Variants in BCAR3 observed in about 807,000 individuals in gnomAD.
The protein encoded by BCAR3 is breast cancer anti-estrogen resistance protein 3.
A neutral mutation model predicts 80.1 loss-of-function variants in BCAR3; 37 were observed. The observed-to-expected ratio is 0.46, with a 90% CI of 0.36 to 0.61. The LOEUF is 0.61. Among genes scored for constraint, BCAR3 ranks in the 20% least tolerant of loss-of-function variants. BCAR3 has a pLI of 0.00. For synonymous variants in BCAR3, 389 were observed against 418.9 expected, an observed-to-expected ratio of 0.93 and a Z score of 0.87; for missense variants, 978 against 1,068.2, an observed-to-expected ratio of 0.92 and a Z score of 1.18.
chr1:93,609,117 G>A lies in BCAR3; in HGVS notation c.358-16724C>T, dbSNP rs545287053. Among the ~76,000 whole-genome samples, 11 of 152,280 alleles carry A rather than the reference G, an allele frequency of 7.2e-5. No homozygotes were observed. In the East Asian group the frequency reaches 1.9e-3, roughly 27 times the overall value. ...CATGAAACCAAGTTCCAGGGGCCTG[G>A]CACTCTAGGATGGGCAGATGTGACT... On this transcript the variant is annotated intron_variant, in intron 3 of 11. Coordinates refer to ENST00000260502, the MANE Select transcript of BCAR3 (RefSeq NM_003567.4).
At chr1:93,624,457 C>T (rs1570981266) in intron 3 of BCAR3, among the ~76,000 whole-genome samples, 1 of 152,356 alleles carries the variant, frequency 6.6e-6, no homozygotes, top group African/African-American at 2.4e-5. Flanking sequence ...TTGGGAGCCC[C>T]TGCTCTCAGT....
At chr1:93,650,033 C>G (rs554586162) in intron 2 of BCAR3, among the ~76,000 whole-genome samples, 3 of 149,956 alleles carry the variant, frequency 2.0e-5, no homozygotes, top group Admixed American at 1.3e-4. Flanking sequence ...GCACAGTGAT[C>G]AAATTCATTA....
At chr1:93,709,151 C>T (rs1042205801) in intron 2 of BCAR3, among the ~76,000 whole-genome samples, 4 of 152,192 alleles carry the variant, frequency 2.6e-5, no homozygotes, top group Admixed American at 2.6e-4. Flanking sequence ...CATCTGTTTC[C>T]AGGCTGCAAA....
intron 3 of BCAR3, among the ~76,000 whole-genome samples, chr1:93,692,826 A>G (rs1229127511): frequency 6.6e-6 from 1 of 152,194 alleles, no homozygotes; most frequent in Non-Finnish European, 1.5e-5. Context: ...TGGGTTAGGT[A>G]AACTTAGCCC....
intron 3 of BCAR3, among the ~76,000 whole-genome samples, chr1:93,615,355 C>G (rs778989255): frequency 1.3e-4 from 20 of 152,192 alleles, no homozygotes; most frequent in Non-Finnish European, 2.8e-4. Context: ...GCCACAGTCT[C>G]ACACCCACGC....
chr1:93,584,426 G>C (rs564134509), intron 5 of BCAR3, among the ~76,000 whole-genome samples: 3 of 152,298 alleles, frequency 2.0e-5, no homozygotes, highest in Admixed American at 1.3e-4. Flanking sequence ...AAAGTTTTAC[G>C]ATACTCCCGG....
At chr1:93,655,029 T>C (rs1023654523) in intron 2 of BCAR3, among the ~76,000 whole-genome samples, 8 of 152,218 alleles carry the variant, frequency 5.3e-5, no homozygotes, top group Non-Finnish European at 8.8e-5. Flanking sequence ...CACATGGCAG[T>C]TGCCCAGTGA....
intron 2 of BCAR3, chr1:93,845,502 A>ATATATATATCTCATGTTGTC: frequency 3.5e-5 from 4 of 113,818 alleles, no homozygotes; most frequent in South Asian, 2.6e-4. Flanking sequence ...ATATATATAT[A>ATATATATATCTCATGTTGTC]AAACTTTGTT....
intron 2 of BCAR3, among the ~76,000 whole-genome samples, chr1:93,717,171 G>A (rs1181889085): frequency 6.6e-6 from 1 of 152,218 alleles, no homozygotes; most frequent in Non-Finnish European, 1.5e-5. Flanking sequence ...GAGACCTCAT[G>A]GAGCAGAGAT....
chr1:93,767,058 TA>T (rs1343995459), intron 2 of BCAR3, among the ~76,000 whole-genome samples: 1 of 152,178 alleles, frequency 6.6e-6, no homozygotes, highest in Non-Finnish European at 1.5e-5. Flanking sequence ...TCTATTTAAG[TA>T]GCCAGCATGT....
chr1:93,773,410 G>C lies in BCAR3; in HGVS notation c.-62-67268C>G, dbSNP rs572642345. Among the ~76,000 whole-genome samples, 7 of 152,350 alleles carry C rather than the reference G, an allele frequency of 4.6e-5. No individual in the cohort carries two copies. In the South Asian group the frequency reaches 1.5e-3, roughly 32 times the overall value. ...TCAGAACATAAATGCTGTTTAGGGA[G>C]ACTGGACAGGAAATGGGACACCCCT... On this transcript the variant is annotated intron_variant, in intron 2 of 13. Coordinates refer to the BCAR3 transcript ENST00000370244.
chr1:93,689,054 C>T (rs939980965), intron 3 of BCAR3, among the ~76,000 whole-genome samples: 4 of 152,196 alleles, frequency 2.6e-5, no homozygotes, highest in African/African-American at 9.7e-5. Flanking sequence ...GAAAGCATCA[C>T]TAGCCCTGGG....
chr1:93,588,518 C>T (rs933723784), intron 5 of BCAR3, among the ~76,000 whole-genome samples: 5 of 152,180 alleles, frequency 3.3e-5, no homozygotes, highest in African/African-American at 9.7e-5. Flanking sequence ...TTAAGGCCCC[C>T]ATGATCTGGC....
At chr1:93,755,272 T>C (rs1571099811) in intron 2 of BCAR3, among the ~76,000 whole-genome samples, 1 of 152,334 alleles carries the variant, frequency 6.6e-6, no homozygotes, top group Admixed American at 6.5e-5. Flanking sequence ...AATAAAGTTT[T>C]AAAATAAATT....
intron 2 of BCAR3, among the ~76,000 whole-genome samples, chr1:93,769,409 C>A (rs959560763): frequency 1.4e-5 from 1 of 69,596 alleles, no homozygotes; most frequent in Non-Finnish European, 3.0e-5. Context: ...GTGTGTGTGT[C>A]AAGGAGCGGG....
intron 2 of BCAR3, among the ~76,000 whole-genome samples, chr1:93,715,164 C>A (rs1210053334): frequency 6.6e-6 from 1 of 152,238 alleles, no homozygotes; most frequent in Non-Finnish European, 1.5e-5. Flanking sequence ...GTTCTTCCCC[C>A]CTGCTATTCT....
intron 3 of BCAR3, chr1:93,600,705 T>A (rs1674595005): frequency 6.6e-6 from 1 of 152,188 alleles, no homozygotes; most frequent in Non-Finnish European, 1.5e-5. Flanking sequence ...ACATCCCTCA[T>A]GTCCTGCCTC....
intron 2 of BCAR3, among the ~76,000 whole-genome samples, chr1:93,730,191 T>C (rs1468354632): frequency 2.0e-5 from 3 of 152,190 alleles, no homozygotes. Context: ...GCTTTTCTCC[T>C]TGGAAGCCCT....
intron 2 of BCAR3, among the ~76,000 whole-genome samples, chr1:93,664,204 C>CTG (rs1647791650): frequency 1.3e-5 from 2 of 152,206 alleles, no homozygotes; most frequent in South Asian, 4.1e-4. Flanking sequence ...ACTGCAACCT[C>CTG]TGCCTCCTGG....
Sources: allele counts gnomAD v4.1 joint callset (sites outside exome capture counted in the v4.1 genomes callset), GRCh38; gene constraint gnomAD v4.1.1; transcripts MANE v1.5; gene names NCBI Gene and HGNC (gene_info 2026-07-23, HGNC 2026-07-21).